Variants in BRWD1 observed in about 807,000 individuals in gnomAD.
The protein encoded by BRWD1 is bromodomain and WD repeat-containing protein 1.
BRWD1 carries 82 observed loss-of-function variants against 251.2 expected under a neutral mutation model. The observed-to-expected ratio is 0.33, with a 90% confidence interval of 0.27 to 0.39. The LOEUF (loss-of-function observed/expected upper bound fraction) is 0.39, where lower values mean the gene tolerates loss of function less well. Ranked by LOEUF, BRWD1 falls within the 10% of genes least tolerant of loss-of-function variation. BRWD1 has a pLI of 1.00. For synonymous variants in BRWD1, 918 were observed against 902.8 expected (o/e 1.02, Z -0.30); for missense variants, 2,233 against 2,711.6 (o/e 0.82, Z 3.92).
chr21:39,254,167 G>A (rs2034488341), intron 19 of BRWD1, among the ~76,000 whole-genome samples: 1 of 152,224 alleles, frequency 6.6e-6, no homozygotes, highest in Non-Finnish European at 1.5e-5. Flanking sequence ...TCGGGAGGCT[G>A]AGGCAGGAGA....
rs1222118087 is a variant in BRWD1, at chr21:39,312,828, G to T, written c.198+13C>A. The T allele has an allele frequency of 2.5e-6, 4 of 1,591,530 alleles. No individual in the cohort carries two copies. The highest frequency in any genetic ancestry group is 1.7e-5 in the Admixed American group (1 of 58,856). ...CACGGAAAACCCGGGGAGCAAACGT[G>T]CCCAATGCTCACCAACTCCTCGTAG... On this transcript the variant is annotated intron_variant, in intron 4 of 40. Coordinates refer to ENST00000342449, the MANE Select transcript of BRWD1 (RefSeq NM_033656.4).
At chr21:39,312,667 T>C in intron 4 of BRWD1, 174 bp downstream of exon 4, 1 of 430,274 alleles carries the variant, frequency 2.3e-6, no homozygotes, top group South Asian at 2.8e-5. Flanking sequence ...AAAACAAACC[T>C]GGCCGCCTCA....
At chr21:39,307,014 C>T (rs183621235) in intron 4 of BRWD1, among the ~76,000 whole-genome samples, 306 of 152,134 alleles carry the variant, frequency 2.0e-3, no homozygotes, top group Middle Eastern at 3.4e-3. Flanking sequence ...CCACCACGCC[C>T]GGCTAAGTTT....
At position 39,313,314 on chromosome 21, in the gene BRWD1, G is replaced by A. The variant is rs756363478; in HGVS notation, c.50-15C>T. 5.8e-6 allele frequency: 9 copies of A among 1,540,330 alleles called. No homozygotes were observed. The highest frequency in any genetic ancestry group is 1.4e-5 in the African/African-American group (1 of 70,346). Reference sequence around the variant, plus strand: ...GAAGTACAGCTCTGCGGGAAGACAAGGAGTCAGGTCAAGCCCCGGCGGGGA... The same window carrying A: ...GAAGTACAGCTCTGCGGGAAGACAAAGAGTCAGGTCAAGCCCCGGCGGGGA... On this transcript the variant is annotated splice_polypyrimidine_tract_variant and intron_variant, in intron 1 of 40. Coordinates refer to ENST00000342449, the MANE Select transcript of BRWD1 (RefSeq NM_033656.4).
chr21:39,313,850 G>A (rs1052245386), upstream of BRWD1: 3 of 341,616 alleles, frequency 8.8e-6, no homozygotes, highest in South Asian at 5.0e-5. Flanking sequence ...GGGGAGGGGA[G>A]GGCGCGTGGT....
chr21:39,221,860 C>T (rs2033189807), intron 29 of BRWD1, among the ~76,000 whole-genome samples: 1 of 150,884 alleles, frequency 6.6e-6, no homozygotes, highest in Admixed American at 6.6e-5. Flanking sequence ...GTCGCGATTG[C>T]ACCACTGCAC....
chr21:39,228,610 ACT>A (rs766230776), intron 26 of BRWD1, 28 bp from the exon 27 acceptor site: 1 of 1,345,598 alleles, frequency 7.4e-7, no homozygotes, highest in South Asian at 1.2e-5. Flanking sequence ...AAATTGTTAA[ACT>A]CTCTACATAG....
chr21:39,253,962 G>T (rs2034480686), intron 19 of BRWD1, among the ~76,000 whole-genome samples: 1 of 152,194 alleles, frequency 6.6e-6, no homozygotes, highest in Admixed American at 6.5e-5. Context: ...AGGCCAAGAA[G>T]CAATATAAAA....
rs140673244 is a variant in BRWD1 at position 39,232,072 on chromosome 21, G to C, written c.3000+105C>G. 38 of 991,426 alleles carry C rather than the reference G, an allele frequency of 3.8e-5. No homozygotes were observed. The African/African-American group carries it at 4.5e-4, about 12-fold the overall frequency. The allele number at this position is 991,426 out of a possible 1,614,324, so 61.4% of individuals were successfully genotyped here. The stretch of plus-strand genomic sequence containing the variant: ...AGCAGAAATGTTATCAAGTAGGAAA[G>C]AAAGTAATAAAATATGTTTCCAACA... On this transcript the variant is annotated intron_variant, in intron 25 of 40. Coordinates refer to ENST00000342449, the MANE Select transcript of BRWD1 (RefSeq NM_033656.4).
chr21:39,230,800 G>A lies in BRWD1; in HGVS notation c.3001-1364C>T, dbSNP rs1231521828. 7.3e-5 allele frequency among the ~76,000 whole-genome samples: 11 copies of A among 150,882 alleles called. No individual in the cohort carries two copies. In the East Asian group the frequency reaches 1.2e-3, roughly 16 times the overall value. On this transcript the variant is annotated intron_variant, in intron 25 of 40. Coordinates refer to ENST00000342449, the MANE Select transcript of BRWD1 (RefSeq NM_033656.4). ...TGAAAAGGACACTTGTTTGCAGTGC[G>A]AGAGCTTAAAAAAAAAAAAAGGCAG...
intron 39 of BRWD1, 61 bp downstream of exon 39, chr21:39,200,158 A>T (rs2032036690): frequency 7.0e-7 from 1 of 1,430,912 alleles, no homozygotes; most frequent in Non-Finnish European, 9.5e-7. Flanking sequence ...GAATCTATTC[A>T]ATTTATAACT....
upstream of BRWD1, chr21:39,313,808 A>C (rs572756910): frequency 3.3e-5 from 12 of 359,422 alleles, no homozygotes; most frequent in Non-Finnish European, 5.6e-5. Context: ...AGTGACGCGG[A>C]GGCAAAGACC....
At chr21:39,250,771 G>C (rs771203712) in intron 20 of BRWD1, 25 bp downstream of exon 20, 2 of 1,390,494 alleles carry the variant, frequency 1.4e-6, no homozygotes, top group East Asian at 2.3e-5. Flanking sequence ...TTTCTAATTT[G>C]CTAAGAAAAC....
chr21:39,292,623 C>A (rs915680974), intron 8 of BRWD1, among the ~76,000 whole-genome samples: 2 of 152,138 alleles, frequency 1.3e-5, no homozygotes, highest in Non-Finnish European at 2.9e-5. Flanking sequence ...GCTCTACATC[C>A]AATAACCAAC....
At chr21:39,214,979 C>T (rs2032824562) in intron 32 of BRWD1, among the ~76,000 whole-genome samples, 1 of 151,420 alleles carries the variant, frequency 6.6e-6, no homozygotes, top group Non-Finnish European at 1.5e-5. Flanking sequence ...GTAACCACCA[C>T]CTCCTGGGTT....
rs879812576 is a variant in BRWD1 at position 39,192,446 on chromosome 21, G to C, written c.*3813C>G. On this transcript the variant is annotated 3_prime_UTR_variant, in exon 41 of 41. Transcript: ENST00000342449. Reference sequence around the variant, plus strand: ...AAGTTGCAAATTTCTTGGGGTTTCTGCTTTATTATTTCCTTGATATCCACA... The same window carrying C: ...AAGTTGCAAATTTCTTGGGGTTTCTCCTTTATTATTTCCTTGATATCCACA... 118 of 985,042 alleles carry C rather than the reference G, an allele frequency of 1.2e-4. 1 individual carries two copies. Among genetic ancestry groups the C allele is most frequent in the Non-Finnish European group, 1.4e-4 (117 of 829,822 alleles). 61.0% of individuals were successfully genotyped at this position (985,042 alleles called of 1,614,324 possible).
chr21:39,302,478 T>G (rs2036150814), intron 4 of BRWD1, among the ~76,000 whole-genome samples: 1 of 152,118 alleles, frequency 6.6e-6, no homozygotes, highest in Admixed American at 6.6e-5. Flanking sequence ...AAGGCCGGGC[T>G]GAGAGCAGTG....
At position 39,194,681 on chromosome 21, in the gene BRWD1, C is replaced by T. The variant is rs1194811948; in HGVS notation, c.*1578G>A. The T allele has an allele frequency of 4.6e-6, 7 of 1,534,642 alleles. No homozygotes were observed. The highest frequency in any genetic ancestry group is 6.1e-6 in the Non-Finnish European group (7 of 1,145,694). On this transcript the variant is annotated 3_prime_UTR_variant, in exon 41 of 41. Coordinates refer to ENST00000342449, the MANE Select transcript of BRWD1 (RefSeq NM_033656.4). The stretch of plus-strand genomic sequence containing the variant: ...AAATAGGAACACTTCAGAACATTCT[C>T]TAACATTAATACCAGTCTGATGCTT...
At position 39,195,182 on chromosome 21, in the gene BRWD1, G is replaced by A; in HGVS notation, c.*1077C>T. ...AGTTGCCCCAGCAAAGAATGCTTAG[G>A]ATTGCACATGGAAGCAGTAAACTAA... On this transcript the variant is annotated 3_prime_UTR_variant, in exon 41 of 41. Coordinates refer to ENST00000342449, the MANE Select transcript of BRWD1 (RefSeq NM_033656.4). 9.5e-7 allele frequency: 1 copy of A among 1,052,610 alleles called. No individual in the cohort carries two copies. Among genetic ancestry groups the A allele is most frequent in the Non-Finnish European group, 1.1e-6 (1 of 872,656 alleles). The allele number at this position is 1,052,610 out of a possible 1,614,324, so 65.2% of individuals were successfully genotyped here.
Sources: allele counts gnomAD v4.1 joint callset (sites outside exome capture counted in the v4.1 genomes callset), GRCh38; gene constraint gnomAD v4.1.1; transcripts MANE v1.5; gene names NCBI Gene and HGNC (gene_info 2026-07-23, HGNC 2026-07-21).